Variants in FRMD4A observed in about 807,000 individuals in gnomAD.
The protein encoded by FRMD4A is FERM domain-containing protein 4A.
Under a neutral mutation model 129.1 loss-of-function variants are expected in FRMD4A, and 29 were observed. The ratio of observed to expected loss-of-function variants is 0.22; its 90% CI spans 0.17 to 0.31. The LOEUF (loss-of-function observed/expected upper bound fraction) is 0.31. Among genes scored for constraint, FRMD4A ranks in the 10% least tolerant of loss-of-function variants. The pLI is 1.00. For missense variants in FRMD4A, 1,272 were observed against 1,375.8 expected (o/e 0.92, Z 1.19); for synonymous variants, 634 against 571.6 (o/e 1.11, Z -1.56).
intron 2 of FRMD4A, among the ~76,000 whole-genome samples, chr10:13,981,038 T>C (rs180786121): frequency 6.5e-4 from 99 of 152,328 alleles, no homozygotes; most frequent in Admixed American, 2.3e-3. Flanking sequence ...GCTGAAGAAT[T>C]TAGGCTGGCC....
intron 2 of FRMD4A, among the ~76,000 whole-genome samples, chr10:14,267,516 C>T (rs1845019561): frequency 6.6e-6 from 1 of 152,206 alleles, no homozygotes; most frequent in South Asian, 2.1e-4. Context: ...TTATTTTACT[C>T]ATACACCATT....
chr10:13,777,965 G>A (rs2092638763), intron 6 of FRMD4A, among the ~76,000 whole-genome samples: 1 of 151,710 alleles, frequency 6.6e-6, no homozygotes, highest in Non-Finnish European at 1.5e-5. Context: ...ACCACGCCCG[G>A]CTAACTTTTG....
At chr10:14,209,400 A>G (rs1203354451) in intron 2 of FRMD4A, among the ~76,000 whole-genome samples, 1 of 152,156 alleles carries the variant, frequency 6.6e-6, no homozygotes, top group Non-Finnish European at 1.5e-5. Flanking sequence ...CAGCACCTCA[A>G]GATGTGATCA....
At chr10:13,865,213 C>A (rs1400113751) in intron 2 of FRMD4A, among the ~76,000 whole-genome samples, 1 of 152,042 alleles carries the variant, frequency 6.6e-6, no homozygotes, top group Non-Finnish European at 1.5e-5. Context: ...TCTTAGGAAT[C>A]CTGCAATGAT....
intron 2 of FRMD4A, among the ~76,000 whole-genome samples, chr10:14,257,117 G>C (rs1844642041): frequency 1.3e-5 from 2 of 152,132 alleles, no homozygotes; most frequent in Admixed American, 6.5e-5. Context: ...GATCACTTGA[G>C]ATAAGGAGTT....
chr10:13,845,642 C>T (rs2130990650), intron 3 of FRMD4A, among the ~76,000 whole-genome samples: 1 of 152,252 alleles, frequency 6.6e-6, no homozygotes, highest in Middle Eastern at 3.4e-3. Context: ...TGATCCCAGC[C>T]TAAGAGATGC....
chr10:14,329,956 G>A, intron 2 of FRMD4A, 102 bp downstream of exon 2: 2 of 1,097,232 alleles, frequency 1.8e-6, no homozygotes, highest in Non-Finnish European at 2.7e-6. Flanking sequence ...GCGGAGCAAT[G>A]TTGAACATGT....
chr10:13,959,907 C>G (rs975745961), intron 2 of FRMD4A, among the ~76,000 whole-genome samples: 4 of 152,162 alleles, frequency 2.6e-5, no homozygotes, highest in Non-Finnish European at 4.4e-5. Flanking sequence ...AGAGAGAACA[C>G]GAACCGCAGG....
In FRMD4A at chr10:14,240,660, T is replaced by C. The variant is rs988780834; in HGVS notation, c.45+89398A>G. Among the ~76,000 whole-genome samples the C allele has an allele frequency of 3.3e-5, 5 of 152,304 alleles. No homozygotes were observed. The South Asian group carries it at 1.0e-3, about 32-fold the overall frequency. On this transcript the variant is annotated intron_variant, in intron 2 of 24. Coordinates refer to ENST00000357447, the MANE Select transcript of FRMD4A (RefSeq NM_018027.5). ...CGTTTAACCATTATTATTAAATTTG[T>C]CCGTTCAGCAAGATTGAAACTGCCA...
intron 5 of FRMD4A, among the ~76,000 whole-genome samples, chr10:13,785,325 A>G (rs1246481618): frequency 6.6e-6 from 1 of 152,214 alleles, no homozygotes; most frequent in African/African-American, 2.4e-5. Flanking sequence ...GGAATTACGC[A>G]GTGGTCCTCA....
chr10:13,919,238 C>T (rs1036245783), intron 2 of FRMD4A, among the ~76,000 whole-genome samples: 1 of 152,186 alleles, frequency 6.6e-6, no homozygotes, highest in Admixed American at 6.5e-5. Flanking sequence ...TTTAAACAAG[C>T]CAGTTGTCCG....
At chr10:13,773,967 C>A (rs578077272) in intron 6 of FRMD4A, among the ~76,000 whole-genome samples, 1 of 152,212 alleles carries the variant, frequency 6.6e-6, no homozygotes, top group Admixed American at 6.5e-5. Flanking sequence ...GAACACGCAA[C>A]GTTCCAGGCA....
intron 2 of FRMD4A, among the ~76,000 whole-genome samples, chr10:14,125,015 G>GCCCT (rs1428379743): frequency 1.3e-5 from 2 of 152,170 alleles, no homozygotes; most frequent in African/African-American, 4.8e-5. Context: ...AGTGCATGAA[G>GCCCT]CCCTGTGTAG....
At chr10:13,848,279 G>A (rs1263876521) in intron 3 of FRMD4A, among the ~76,000 whole-genome samples, 3 of 152,214 alleles carry the variant, frequency 2.0e-5, no homozygotes, top group Non-Finnish European at 2.9e-5. Context: ...CACCTGCAAT[G>A]TTCTGGAGGG....
intron 2 of FRMD4A, among the ~76,000 whole-genome samples, chr10:13,903,126 A>G (rs185100448): frequency 6.6e-6 from 1 of 152,218 alleles, no homozygotes; most frequent in Non-Finnish European, 1.5e-5. Context: ...AGATACCAGT[A>G]GGAATCAAGC....
At chr10:14,057,573 CTTT>C (rs141521346) in intron 2 of FRMD4A, among the ~76,000 whole-genome samples, 1 of 90,004 alleles carries the variant, frequency 1.1e-5, no homozygotes, top group Non-Finnish European at 2.6e-5. Flanking sequence ...AATTTATAAT[CTTT>C]TTTTTTTTTT....
chr10:14,089,470 CT>C (rs1346493202), intron 2 of FRMD4A, among the ~76,000 whole-genome samples: 1 of 152,134 alleles, frequency 6.6e-6, no homozygotes, highest in Non-Finnish European at 1.5e-5. Flanking sequence ...CCGCAGCATG[CT>C]GGGCACAGGG....
At chr10:13,706,749 G>GACACACACACACACACACACACACAC (rs3031967) in intron 13 of FRMD4A, among the ~76,000 whole-genome samples, 2 of 146,526 alleles carry the variant, frequency 1.4e-5, no homozygotes, top group African/African-American at 5.1e-5. Flanking sequence ...CACATACACT[G>GACACACACACACACACACACACACAC]ACACACACAC....
intron 2 of FRMD4A, among the ~76,000 whole-genome samples, chr10:14,282,350 C>T (rs1444500603): frequency 6.6e-6 from 1 of 152,128 alleles, no homozygotes; most frequent in Non-Finnish European, 1.5e-5. Flanking sequence ...TCACAGTTTA[C>T]TAAGTCAACT....
Sources: allele counts gnomAD v4.1 joint callset (sites outside exome capture counted in the v4.1 genomes callset), GRCh38; gene constraint gnomAD v4.1.1; transcripts MANE v1.5; gene names NCBI Gene and HGNC (gene_info 2026-07-23, HGNC 2026-07-21).